Variants in CADM1 observed in about 807,000 individuals in gnomAD.
CADM1 encodes cell adhesion molecule 1.
CADM1 carries 15 observed loss-of-function variants against 53.1 expected under a neutral mutation model. The observed-to-expected ratio is 0.28, with a 90% confidence interval of 0.19 to 0.44. The LOEUF is 0.44. CADM1 is among the 20% of genes least tolerant of loss of function. The pLI, the probability that CADM1 is intolerant of heterozygous loss-of-function variation, is 1.00. For missense variants in CADM1, 434 were observed against 611.3 expected, an observed-to-expected ratio of 0.71 and a Z score of 3.06; for synonymous variants, 281 against 243.0, an observed-to-expected ratio of 1.16 and a Z score of -1.45.
intron 1 of CADM1, among the ~76,000 whole-genome samples, chr11:115,472,423 C>T (rs1008677951): frequency 3.3e-5 from 5 of 151,940 alleles, no homozygotes; most frequent in Admixed American, 2.6e-4. Flanking sequence ...CTAAAGATGC[C>T]CCTCAAAAAA....
intron 9 of CADM1, chr11:115,193,774 A>G (rs1940010298): frequency 6.6e-6 from 1 of 152,112 alleles, no homozygotes; most frequent in Non-Finnish European, 1.5e-5. Context: ...ACAAAAACTT[A>G]GCCCACCGGC....
At chr11:115,238,970 A>G (rs760651467) in intron 2 of CADM1, among the ~76,000 whole-genome samples, 2 of 151,976 alleles carry the variant, frequency 1.3e-5, no homozygotes, top group Non-Finnish European at 2.9e-5. Flanking sequence ...TTACTCATAC[A>G]TGTTTTCAGG....
intron 10 of CADM1, among the ~76,000 whole-genome samples, chr11:115,179,440 A>G (rs1341154160): frequency 6.6e-6 from 1 of 152,210 alleles, no homozygotes; most frequent in African/African-American, 2.4e-5. Flanking sequence ...AACACCTTGC[A>G]ATGCAATTAA....
chr11:115,219,162 C>G (rs189698901), intron 5 of CADM1, among the ~76,000 whole-genome samples: 10 of 152,134 alleles, frequency 6.6e-5, no homozygotes, highest in Non-Finnish European at 1.3e-4. Context: ...AATCATACCA[C>G]CTAAACAACA....
Position 115,214,601 on chromosome 11 carries a change from C to T in CADM1, c.994+7G>A. The T allele has an allele frequency of 6.2e-7, 1 of 1,613,064 alleles. No individual in the cohort carries two copies. Among genetic ancestry groups the T allele is most frequent in the Non-Finnish European group, 8.5e-7 (1 of 1,179,088 alleles). ...CTAGTAGAAGAGCATTTTATCTTCT[C>T]ACGTACCGTATACATACAGCATATA... On this transcript the variant is annotated splice_region_variant and intron_variant, in intron 7 of 11. Coordinates refer to ENST00000331581, the MANE Select transcript of CADM1 (RefSeq NM_001301043.2).
intron 1 of CADM1, among the ~76,000 whole-genome samples, chr11:115,389,938 TC>T (rs2135178958): frequency 6.6e-6 from 1 of 152,292 alleles, no homozygotes; most frequent in African/African-American, 2.4e-5. Flanking sequence ...ACTATCAAAA[TC>T]GAATCTGAGC....
intron 3 of CADM1, among the ~76,000 whole-genome samples, chr11:115,233,876 A>G (rs1050317201): frequency 2.0e-5 from 3 of 152,228 alleles, no homozygotes; most frequent in African/African-American, 7.2e-5. Flanking sequence ...TGTGACAAAG[A>G]GGGCAAATGG....
chr11:115,303,720 C>T (rs1944293621), intron 1 of CADM1, among the ~76,000 whole-genome samples: 1 of 151,988 alleles, frequency 6.6e-6, no homozygotes, highest in African/African-American at 2.4e-5. Flanking sequence ...AGATTTTACT[C>T]CCCCTCCCCA....
At chr11:115,206,746 G>A (rs1459991296) in intron 8 of CADM1, among the ~76,000 whole-genome samples, 5 of 92,976 alleles carry the variant, frequency 5.4e-5, no homozygotes, top group African/African-American at 2.3e-4. Context: ...AGAAATAGAT[G>A]ACTGTGGACT....
intron 1 of CADM1, among the ~76,000 whole-genome samples, chr11:115,269,158 G>T (rs750822843): frequency 4.6e-5 from 7 of 152,074 alleles, no homozygotes; most frequent in Non-Finnish European, 8.8e-5. Flanking sequence ...CAATCCACAT[G>T]CTGTCATTCA....
In CADM1 at chr11:115,175,616, T is replaced by C; in HGVS notation, c.*858A>G. On this transcript the variant is annotated 3_prime_UTR_variant, in exon 12 of 12. Coordinates refer to ENST00000331581, the MANE Select transcript of CADM1 (RefSeq NM_001301043.2). The stretch of plus-strand genomic sequence containing the variant: ...TCACCTGTCAGGTCTGTTTAGGGCA[T>C]GGAAAAAGGAGGAGTCCTTTCTGCC... 1 of 985,596 alleles carries C rather than the reference T, an allele frequency of 1.0e-6. No individual in the cohort carries two copies. Among genetic ancestry groups the C allele is most frequent in the Non-Finnish European group, 1.2e-6 (1 of 830,000 alleles). 61.1% of individuals were successfully genotyped at this position (985,596 alleles called of 1,614,324 possible). A position where few individuals can be genotyped will look rare whatever the true frequency, so the allele number is the denominator to read the frequency against.
At chr11:115,396,222 T>G (rs1946991554) in intron 1 of CADM1, among the ~76,000 whole-genome samples, 1 of 152,202 alleles carries the variant, frequency 6.6e-6, no homozygotes. Flanking sequence ...GTGGTTGTCA[T>G]TGGTGGTGGA....
chr11:115,240,676 C>T, intron 1 of CADM1: 1 of 508,564 alleles, frequency 2.0e-6, no homozygotes, highest in Non-Finnish European at 3.6e-6. Flanking sequence ...GCCTCTAGTA[C>T]TTTGTACTAG....
intron 1 of CADM1, among the ~76,000 whole-genome samples, chr11:115,482,142 T>C (rs1949271285): frequency 6.6e-6 from 1 of 152,130 alleles, no homozygotes. Flanking sequence ...AAAACTCCTC[T>C]AATACCGTCT....
intron 1 of CADM1, among the ~76,000 whole-genome samples, chr11:115,451,486 C>T (rs776990256): frequency 2.6e-5 from 4 of 151,930 alleles, no homozygotes; most frequent in African/African-American, 4.8e-5. Context: ...AGGTCCCAGG[C>T]GAAAAAGGAC....
intron 1 of CADM1, among the ~76,000 whole-genome samples, chr11:115,286,592 A>G (rs17118204): frequency 0.012 from 1,819 of 152,338 alleles, 28 homozygotes; most frequent in Middle Eastern, 0.051. Context: ...TTAATTTACA[A>G]TAAGTGCCTG....
chr11:115,340,046 G>T (rs1365559832), intron 1 of CADM1: 1 of 152,100 alleles, frequency 6.6e-6, no homozygotes, highest in Non-Finnish European at 1.5e-5. Context: ...GCCAGACCAG[G>T]CATCCAAGTT....
At chr11:115,392,133 T>C (rs576354353) in intron 1 of CADM1, among the ~76,000 whole-genome samples, 1 of 152,268 alleles carries the variant, frequency 6.6e-6, no homozygotes, top group Non-Finnish European at 1.5e-5. Context: ...CTAGTCCTTC[T>C]TACCTTGCTT....
chr11:115,454,921 A>G (rs1277199902), intron 1 of CADM1, among the ~76,000 whole-genome samples: 1 of 152,192 alleles, frequency 6.6e-6, no homozygotes, highest in Non-Finnish European at 1.5e-5. Flanking sequence ...TTAGAAAGAA[A>G]TCATTTCCCT....
Sources: allele counts gnomAD v4.1 joint callset (sites outside exome capture counted in the v4.1 genomes callset), GRCh38; gene constraint gnomAD v4.1.1; transcripts MANE v1.5; gene names NCBI Gene and HGNC (gene_info 2026-07-23, HGNC 2026-07-21).